LCMT1: variants seen among roughly 807,000 people sequenced by gnomAD.
The protein encoded by LCMT1 is [Phosphatase 2A protein]-leucine-carboxy methyltransferase 1.
Under a neutral mutation model 47.7 loss-of-function variants are expected in LCMT1, and 32 were observed. The observed-to-expected ratio is 0.67, with a 90% CI of 0.51 to 0.90. The LOEUF is 0.90. Among genes scored for constraint, LCMT1 ranks in the 40% least tolerant of loss-of-function variants. LCMT1 has a pLI of 0.00. For missense variants in LCMT1, 375 were observed against 415.2 expected, an observed-to-expected ratio of 0.90 and a Z score of 0.84; for synonymous variants, 152 against 149.7, an observed-to-expected ratio of 1.02 and a Z score of -0.11.
chr16:25,134,727 A>T (rs1183629566), intron 3 of LCMT1, among the ~76,000 whole-genome samples: 1 of 152,120 alleles, frequency 6.6e-6, no homozygotes, highest in Non-Finnish European at 1.5e-5. Context: ...CAGCCTCCCC[A>T]GTAGTTGGGA....
At chr16:25,123,329 A>G (rs1388283327) in intron 1 of LCMT1, among the ~76,000 whole-genome samples, 8 of 144,660 alleles carry the variant, frequency 5.5e-5, no homozygotes, top group Non-Finnish European at 1.2e-4. Flanking sequence ...GGTTCAAGCT[A>G]TTATCCTGCC....
At chr16:25,164,531 G>C in intron 6 of LCMT1, 67 bp from the exon 7 acceptor site, 4 of 1,604,202 alleles carry the variant, frequency 2.5e-6, no homozygotes, top group Non-Finnish European at 2.6e-6. Flanking sequence ...ACTGCAACAT[G>C]TGTACAATTA....
Position 25,146,658 on chromosome 16 carries a change from T to G in LCMT1, c.405-4896T>G, listed in dbSNP as rs573062172. The G allele has an allele frequency of 3.3e-5, 5 of 152,420 alleles. No homozygotes were observed. In the South Asian group the frequency reaches 1.0e-3, roughly 32 times the overall value. The allele number at this position is 152,420 out of a possible 1,614,324, so 9.4% of individuals were successfully genotyped here. A position where few individuals can be genotyped will look rare whatever the true frequency, so the allele number is the denominator to read the frequency against. On this transcript the variant is annotated intron_variant, in intron 4 of 10. Transcript: ENST00000399069. ...CTCTGCCAAAGTCAACAGCAGGGTC[T>G]GGGGTCTGGCCTCCAAATTTTCTGT...
At chr16:25,114,817 C>T (rs1221151477) in intron 1 of LCMT1, among the ~76,000 whole-genome samples, 1 of 152,148 alleles carries the variant, frequency 6.6e-6, no homozygotes, top group African/African-American at 2.4e-5. Context: ...TTTGTGTCCT[C>T]CTGTGTGTCT....
chr16:25,138,796 T>G (rs1331219813), intron 3 of LCMT1, among the ~76,000 whole-genome samples: 1 of 152,202 alleles, frequency 6.6e-6, no homozygotes, highest in Non-Finnish European at 1.5e-5. Flanking sequence ...CTTCCCTTAT[T>G]GTTACAGCTC....
At chr16:25,159,089 C>A (rs1756619813) in intron 5 of LCMT1, among the ~76,000 whole-genome samples, 1 of 152,086 alleles carries the variant, frequency 6.6e-6, no homozygotes, top group Non-Finnish European at 1.5e-5. Flanking sequence ...AGAGAGATCT[C>A]CCCTGAACTA....
At chr16:25,137,218 T>G (rs991002584) in intron 3 of LCMT1, among the ~76,000 whole-genome samples, 16 of 151,890 alleles carry the variant, frequency 1.1e-4, no homozygotes, top group African/African-American at 3.1e-4. Context: ...GTATTTTTAG[T>G]AGAGACAGGG....
chr16:25,112,953 C>T (rs543251514), intron 1 of LCMT1, among the ~76,000 whole-genome samples: 1 of 151,692 alleles, frequency 6.6e-6, no homozygotes, highest in East Asian at 1.9e-4. Context: ...CCATCCTGGC[C>T]AACATGGTGA....
At chr16:25,149,359 T>C (rs1177762180) in intron 4 of LCMT1, among the ~76,000 whole-genome samples, 2 of 152,210 alleles carry the variant, frequency 1.3e-5, no homozygotes, top group African/African-American at 4.8e-5. Flanking sequence ...AAATCAGTTG[T>C]TCAGTGTTCC....
At chr16:25,171,929 CTG>C (rs1961787492) in intron 9 of LCMT1, among the ~76,000 whole-genome samples, 1 of 152,162 alleles carries the variant, frequency 6.6e-6, no homozygotes, top group South Asian at 2.1e-4. Flanking sequence ...ACATACTGGT[CTG>C]TAAACCACCA....
chr16:25,121,864 T>C (rs965109209), intron 1 of LCMT1, among the ~76,000 whole-genome samples: 6 of 152,188 alleles, frequency 3.9e-5, no homozygotes, highest in African/African-American at 1.4e-4. Flanking sequence ...AGCCAAACCA[T>C]ATCAGTGGCA....
chr16:25,177,254 T>C (rs1961976424), intron 10 of LCMT1, among the ~76,000 whole-genome samples: 1 of 152,168 alleles, frequency 6.6e-6, no homozygotes, highest in Non-Finnish European at 1.5e-5. Flanking sequence ...AAATACTTCT[T>C]AGTAGGAAAC....
intron 5 of LCMT1, among the ~76,000 whole-genome samples, chr16:25,159,490 C>G (rs1961356933): frequency 6.6e-6 from 1 of 152,146 alleles, no homozygotes; most frequent in South Asian, 2.1e-4. Context: ...TGGTCTTGAA[C>G]TCCTCATTCA....
At chr16:25,177,753 T>C (rs965981049) in intron 10 of LCMT1, among the ~76,000 whole-genome samples, 2 of 152,238 alleles carry the variant, frequency 1.3e-5, no homozygotes, top group Non-Finnish European at 2.9e-5. Context: ...GGTAGATTTT[T>C]GGCGTTAACT....
chr16:25,154,466 G>A (rs1257185233), intron 5 of LCMT1, among the ~76,000 whole-genome samples: 1 of 149,792 alleles, frequency 6.7e-6, no homozygotes, highest in Non-Finnish European at 1.5e-5. Context: ...TTATAGGAAC[G>A]CTTCATAACA....
At chr16:25,160,085 A>G (rs1961377342) in intron 5 of LCMT1, among the ~76,000 whole-genome samples, 2 of 151,696 alleles carry the variant, frequency 1.3e-5, no homozygotes, top group African/African-American at 2.4e-5. Context: ...AGTAGCTGGG[A>G]TTACAGGCAT....
At chr16:25,148,691 CAGAGGAAAACTTACCAGTCGCGAGACT>C (rs1201754193) in intron 4 of LCMT1, 3 of 152,070 alleles carry the variant, frequency 2.0e-5, no homozygotes, top group Non-Finnish European at 4.4e-5. Context: ...TTGCAGAGAC[CAGAGGAAAACTTACCAGTCGCGAGACT>C]AGAGGAAAAC....
At chr16:25,119,426 A>G (rs1257647811) in intron 1 of LCMT1, among the ~76,000 whole-genome samples, 2 of 152,034 alleles carry the variant, frequency 1.3e-5, no homozygotes, top group South Asian at 4.1e-4. Context: ...TTTGCGCCAC[A>G]TGAGCTGTAT....
intron 2 of LCMT1, among the ~76,000 whole-genome samples, chr16:25,128,939 G>T (rs1051062960): frequency 2.8e-5 from 4 of 145,388 alleles, no homozygotes; most frequent in Non-Finnish European, 6.0e-5. Flanking sequence ...AGAGCATTAG[G>T]ATAAATACCT....
Sources: allele counts gnomAD v4.1 joint callset (sites outside exome capture counted in the v4.1 genomes callset), GRCh38; gene constraint gnomAD v4.1.1; transcripts MANE v1.5; gene names NCBI Gene and HGNC (gene_info 2026-07-23, HGNC 2026-07-21).